HELLS: variants seen among roughly 807,000 people sequenced by gnomAD.
HELLS encodes the protein lymphoid-specific helicase.
A neutral mutation model predicts 120.0 loss-of-function variants in HELLS; 32 were observed. That is an observed-to-expected ratio of 0.27 (90% confidence interval 0.20 to 0.36). The LOEUF is 0.36. Among genes scored for constraint, HELLS ranks in the 10% least tolerant of loss-of-function variants. The pLI, the probability that HELLS is intolerant of heterozygous loss-of-function variation, is 1.00. For missense variants in HELLS, 650 were observed against 993.4 expected (o/e 0.65, Z 4.65); for synonymous variants, 341 against 323.4 (o/e 1.05, Z -0.58).
At chr10:94,585,357 G>GT (rs1845071743) in intron 12 of HELLS, among the ~76,000 whole-genome samples, 2 of 78,680 alleles carry the variant, frequency 2.5e-5, no homozygotes, top group Admixed American at 1.1e-4. Context: ...TAGTTTTTTT[G>GT]TTTTGTTTTT....
At chr10:94,608,208 A>G (rs150937793) in intron 9 of HELLS, among the ~76,000 whole-genome samples, 186 of 152,338 alleles carry the variant, frequency 1.2e-3, no homozygotes, top group Non-Finnish European at 2.4e-3. Context: ...TATTCTTAAA[A>G]CTTATTCCAC....
chr10:94,582,102 T>A (rs1345662263), intron 11 of HELLS, among the ~76,000 whole-genome samples: 1 of 152,190 alleles, frequency 6.6e-6, no homozygotes, highest in East Asian at 1.9e-4. Flanking sequence ...TAAAACTGAT[T>A]ACAACGGAAA....
At chr10:94,608,636 G>GTTTTTT (rs140578329) in intron 9 of HELLS, among the ~76,000 whole-genome samples, 1 of 148,122 alleles carries the variant, frequency 6.8e-6, no homozygotes. Context: ...CAGTTTTTTA[G>GTTTTTT]TTTTTTTTTT....
intron 4 of HELLS, among the ~76,000 whole-genome samples, chr10:94,560,933 G>T (rs958944067): frequency 6.6e-6 from 1 of 151,756 alleles, no homozygotes; most frequent in African/African-American, 2.4e-5. Context: ...GCGGGTACCT[G>T]TAATCCCAGC....
At chr10:94,583,479 T>C (rs534745123) in intron 12 of HELLS, among the ~76,000 whole-genome samples, 1 of 152,280 alleles carries the variant, frequency 6.6e-6, no homozygotes, top group African/African-American at 2.4e-5. Context: ...AAGGGTAATC[T>C]AGTCATATGG....
At chr10:94,550,456 A>G (rs879858803) in intron 2 of HELLS, among the ~76,000 whole-genome samples, 1 of 151,590 alleles carries the variant, frequency 6.6e-6, no homozygotes, top group Non-Finnish European at 1.5e-5. Context: ...TTTTTTTTGT[A>G]TTTTTAGTAA....
At chr10:94,554,638 A>C (rs1202985044) in intron 3 of HELLS, among the ~76,000 whole-genome samples, 1 of 150,266 alleles carries the variant, frequency 6.7e-6, no homozygotes, top group Non-Finnish European at 1.5e-5. Flanking sequence ...TCTTCAAAGT[A>C]ATAGTGTTTT....
chr10:94,597,169 T>A, intron 21 of HELLS, 58 bp downstream of exon 21: 1 of 950,252 alleles, frequency 1.1e-6, no homozygotes, highest in Middle Eastern at 2.1e-4. Context: ...ATTAGCATAA[T>A]GTAATGAACC....
chr10:94,601,384 A>T, intron 21 of HELLS, 144 bp from the exon 22 acceptor site: 1 of 542,372 alleles, frequency 1.8e-6, no homozygotes, highest in Non-Finnish European at 3.2e-6. Flanking sequence ...CTTGGTGATT[A>T]AGGAAGAGAG....
intron 4 of HELLS, among the ~76,000 whole-genome samples, chr10:94,558,815 A>G (rs1372101734): frequency 6.6e-6 from 1 of 152,078 alleles, no homozygotes; most frequent in Non-Finnish European, 1.5e-5. Context: ...GTTAGCCACG[A>G]TGGTCTCCAT....
intron 6 of HELLS, among the ~76,000 whole-genome samples, chr10:94,563,480 C>T (rs1198103510): frequency 6.6e-6 from 1 of 151,740 alleles, no homozygotes; most frequent in African/African-American, 2.4e-5. Context: ...TAGCTTCCTT[C>T]TTTTTTTTCT....
Position 94,551,344 on chromosome 10 carries a change from G to C in HELLS, c.154-2782G>C, listed in dbSNP as rs187253025. ...CCAGCACTTTGGGAGGCTGAGGCAG[G>C]TGGACCACGAGGTCAGTTCAAGAGC... On this transcript the variant is annotated intron_variant, in intron 2 of 21. Transcript: ENST00000348459. 2.6e-5 allele frequency among the ~76,000 whole-genome samples: 4 copies of C among 152,218 alleles called. No individual in the cohort carries two copies. The East Asian group carries it at 7.8e-4, about 30-fold the overall frequency.
chr10:94,574,234 A>G (rs1237066617), intron 8 of HELLS, 47 bp downstream of exon 8: 1 of 1,246,678 alleles, frequency 8.0e-7, no homozygotes, highest in African/African-American at 1.5e-5. Context: ...TTATTTCTAT[A>G]GTAGCCTAAT....
chr10:94,556,277 T>G (rs1323638381), intron 3 of HELLS, among the ~76,000 whole-genome samples: 1 of 152,220 alleles, frequency 6.6e-6, no homozygotes, highest in Non-Finnish European at 1.5e-5. Context: ...TTTGTGTTGA[T>G]TGTTGAGTGT....
At chr10:94,557,999 A>G (rs1286271071) in intron 3 of HELLS, 140 bp from the exon 4 acceptor site, 6 of 1,096,626 alleles carry the variant, frequency 5.5e-6, no homozygotes, top group Non-Finnish European at 7.5e-6. Context: ...AAAGGCTTGA[A>G]GTACAAGTTC....
At chr10:94,583,931 G>A in intron 12 of HELLS, 2 of 453,646 alleles carry the variant, frequency 4.4e-6, no homozygotes, top group Admixed American at 4.0e-5. Flanking sequence ...ATATAAACAA[G>A]GTTGTAGTAT....
At chr10:94,612,023 C>T (rs922987639) in exon 10 of HELLS, 1 of 152,128 alleles carries the variant, frequency 6.6e-6, no homozygotes, top group Non-Finnish European at 1.5e-5. Flanking sequence ...TTATGCATTG[C>T]TTCAGGGGAT....
downstream of HELLS, among the ~76,000 whole-genome samples, chr10:94,605,084 C>G (rs1478633159): frequency 3.6e-4 from 38 of 104,308 alleles, 1 homozygote; most frequent in South Asian, 0.012. Flanking sequence ...CCCCCCCCCC[C>G]CTTTTTTTTT....
Position 94,545,834 on chromosome 10 carries a change from G to A in HELLS, c.-88G>A. The A allele has an allele frequency of 1.4e-6, 2 of 1,436,688 alleles. No homozygotes were observed. Among genetic ancestry groups the A allele is most frequent in the Non-Finnish European group, 1.9e-6 (2 of 1,041,972 alleles). 89.0% of individuals were successfully genotyped at this position (1,436,688 alleles called of 1,614,324 possible). ...CCCTGGCGGGGGATTTGGCTAGAAG[G>A]CTGGGCCGGCAGCGGTTGTGAGGAG... On this transcript the variant is annotated 5_prime_UTR_variant, in exon 1 of 22. Coordinates refer to ENST00000348459, the MANE Select transcript of HELLS (RefSeq NM_018063.5).
Sources: allele counts gnomAD v4.1 joint callset (sites outside exome capture counted in the v4.1 genomes callset), GRCh38; gene constraint gnomAD v4.1.1; transcripts MANE v1.5; gene names NCBI Gene and HGNC (gene_info 2026-07-23, HGNC 2026-07-21).